Variants in SYTL5 observed in about 807,000 individuals in gnomAD.
SYTL5 encodes synaptotagmin like 5.
A neutral mutation model predicts 55.9 loss-of-function variants in SYTL5; 34 were observed. The observed-to-expected ratio is 0.61, with a 90% CI of 0.46 to 0.81. The LOEUF is 0.81. Ranked by LOEUF, SYTL5 falls within the 30% of genes least tolerant of loss-of-function variation. The probability of loss-of-function intolerance (pLI) is 0.00; values close to 1 mark genes in which losing one functional copy is unlikely to be tolerated. For missense variants in SYTL5, 637 were observed against 546.7 expected (o/e 1.17, Z -1.65); for synonymous variants, 221 against 188.7 (o/e 1.17, Z -1.40).
intron 1 of SYTL5, among the ~76,000 whole-genome samples, chrX:38,031,366 C>A (rs1171823625): frequency 9.0e-6 from 1 of 111,445 alleles, no homozygotes; most frequent in Non-Finnish European, 1.9e-5. Context: ...TATATTCTCA[C>A]TTGATCTCTC....
the SYTL5 span, among the ~76,000 whole-genome samples, chrX:37,957,185 C>G: frequency 4.3e-4 from 48 of 111,575 alleles, no homozygotes; most frequent in African/African-American, 1.6e-3. Flanking sequence ...TGTATATTCG[C>G]CCCTTATCAG....
intron 11 of SYTL5, among the ~76,000 whole-genome samples, chrX:38,107,279 A>G (rs905666162): frequency 9.0e-6 from 1 of 111,700 alleles, no homozygotes; most frequent in Admixed American, 9.5e-5. Context: ...GTGATTCACT[A>G]GGAGGACTTA....
chrX:37,970,569 G>C, the SYTL5 span, among the ~76,000 whole-genome samples: 2 of 110,731 alleles, frequency 1.8e-5, no homozygotes, highest in African/African-American at 6.5e-5. Flanking sequence ...AATAACCTTA[G>C]ATCCTAAATT....
chrX:37,904,900 G>A, the SYTL5 span, among the ~76,000 whole-genome samples: 1 of 110,831 alleles, frequency 9.0e-6, no homozygotes, highest in Admixed American at 9.6e-5. Context: ...ACCCTTGCCA[G>A]GGCTAAAGGA....
intron 2 of SYTL5, among the ~76,000 whole-genome samples, chrX:38,051,180 C>G (rs1935612685): frequency 1.8e-5 from 2 of 111,590 alleles, no homozygotes; most frequent in African/African-American, 3.3e-5. Flanking sequence ...AATCCTATCT[C>G]CTATCTGTAG....
chrX:38,074,055 C>A (rs1328685748), intron 5 of SYTL5, among the ~76,000 whole-genome samples: 1 of 111,542 alleles, frequency 9.0e-6, no homozygotes, highest in Non-Finnish European at 1.9e-5. Context: ...TCCCCTCCAA[C>A]CTGTGTGCTG....
chrX:37,992,263 C>G, the SYTL5 span, among the ~76,000 whole-genome samples: 1 of 112,728 alleles, frequency 8.9e-6, no homozygotes, highest in Non-Finnish European at 1.9e-5. Flanking sequence ...AGAGGTGTCA[C>G]ATCAAGTGTT....
intron 10 of SYTL5, among the ~76,000 whole-genome samples, chrX:38,104,642 T>C (rs930498153): frequency 5.4e-5 from 6 of 111,932 alleles, no homozygotes; most frequent in Admixed American, 3.8e-4. Flanking sequence ...TGGAACATAA[T>C]GGCTTTTACC....
intron 16 of SYTL5, among the ~76,000 whole-genome samples, chrX:38,126,066 A>G (rs1390091330): frequency 2.7e-5 from 3 of 112,304 alleles, no homozygotes; most frequent in Non-Finnish European, 5.6e-5. Flanking sequence ...GGATTACAGT[A>G]GTAGAGCACG....
chrX:37,955,937 G>C, the SYTL5 span, among the ~76,000 whole-genome samples: 1 of 111,670 alleles, frequency 9.0e-6, no homozygotes, highest in Admixed American at 9.6e-5. Flanking sequence ...GTTTTCCATG[G>C]TGGACCAAGT....
intron 3 of SYTL5, among the ~76,000 whole-genome samples, chrX:38,071,660 C>G (rs767437521): frequency 4.5e-5 from 5 of 111,577 alleles, no homozygotes; most frequent in Non-Finnish European, 7.5e-5. Flanking sequence ...ATCACTTATC[C>G]ACTAATGCAG....
At chrX:37,962,954 T>A in the SYTL5 span, among the ~76,000 whole-genome samples, 1 of 111,635 alleles carries the variant, frequency 9.0e-6, no homozygotes, top group Non-Finnish European at 1.9e-5. Flanking sequence ...CACATGAAAT[T>A]TTGGGGACAC....
At chrX:37,984,822 T>A in the SYTL5 span, among the ~76,000 whole-genome samples, 1 of 111,971 alleles carries the variant, frequency 8.9e-6, no homozygotes, top group Non-Finnish European at 1.9e-5. Context: ...AAGGCCAAGT[T>A]GGTTTAACAC....
chrX:38,083,651 C>T (rs1241418421), intron 6 of SYTL5, among the ~76,000 whole-genome samples: 1 of 110,587 alleles, frequency 9.0e-6, no homozygotes, highest in Non-Finnish European at 1.9e-5. Context: ...CCTAATTCTG[C>T]TTTGAAGTGA....
intron 3 of SYTL5, among the ~76,000 whole-genome samples, chrX:38,070,861 C>A (rs1310224260): frequency 8.9e-6 from 1 of 111,752 alleles, no homozygotes; most frequent in East Asian, 2.8e-4. Flanking sequence ...CAGAAAAGGA[C>A]TTTTATAGCA....
At chrX:38,108,275 C>T (rs944932665) in intron 11 of SYTL5, among the ~76,000 whole-genome samples, 2 of 111,803 alleles carry the variant, frequency 1.8e-5, no homozygotes, top group African/African-American at 3.3e-5. Flanking sequence ...GTTATTTTCC[C>T]AGTTTTACAG....
At chrX:38,061,335 T>C (rs1935935827) in intron 3 of SYTL5, among the ~76,000 whole-genome samples, 1 of 112,249 alleles carries the variant, frequency 8.9e-6, no homozygotes, top group Admixed American at 9.5e-5. Context: ...TATCTCAGTA[T>C]TGGAAGTATC....
chrX:38,042,965 T>G (rs1359572499), intron 2 of SYTL5, among the ~76,000 whole-genome samples: 2 of 111,577 alleles, frequency 1.8e-5, no homozygotes, highest in Non-Finnish European at 3.8e-5. Context: ...GTTCCTATGT[T>G]AATAGAAGTT....
chrX:37,950,619 T>G, the SYTL5 span, among the ~76,000 whole-genome samples: 1 of 111,481 alleles, frequency 9.0e-6, no homozygotes, highest in Non-Finnish European at 1.9e-5. Context: ...AACCAGCGTA[T>G]TGCTTTTTTG....
Sources: gnomAD v4.1 joint callset for allele counts (sites outside exome capture counted in the v4.1 genomes callset) on GRCh38, gnomAD v4.1.1 for gene constraint, MANE v1.5 for transcripts, NCBI Gene and HGNC (gene_info 2026-07-23, HGNC 2026-07-21) for gene names.